ATP8A2: variants seen among roughly 807,000 people sequenced by gnomAD.
The protein encoded by ATP8A2 is ATPase phospholipid transporting 8A2.
ATP8A2 carries 100 observed loss-of-function variants against 165.6 expected under a neutral mutation model. The ratio of observed to expected loss-of-function variants is 0.60; its 90% confidence interval spans 0.51 to 0.71. The LOEUF is 0.71. ATP8A2 is among the 30% of genes least tolerant of loss of function. ATP8A2 has a pLI of 0.00. For synonymous variants in ATP8A2, 543 were observed against 548.8 expected, an observed-to-expected ratio of 0.99 and a Z score of 0.15; for missense variants, 1,227 against 1,479.5, an observed-to-expected ratio of 0.83 and a Z score of 2.80.
At chr13:25,616,326 C>CTTTTT (rs535891442) in intron 24 of ATP8A2, among the ~76,000 whole-genome samples, 369 of 106,720 alleles carry the variant, frequency 3.5e-3, no homozygotes, top group Non-Finnish European at 5.5e-3. Flanking sequence ...TTCTTTCTTT[C>CTTTTT]TTTTTTTTTT....
At chr13:25,964,968 C>T (rs1405428223) in intron 34 of ATP8A2, among the ~76,000 whole-genome samples, 2 of 152,064 alleles carry the variant, frequency 1.3e-5, no homozygotes, top group African/African-American at 2.4e-5. Context: ...AAGATCAGCC[C>T]GGCCAACATG....
chr13:25,773,423 A>G (rs2044670004), intron 26 of ATP8A2, among the ~76,000 whole-genome samples: 1 of 152,276 alleles, frequency 6.6e-6, no homozygotes, highest in South Asian at 2.1e-4. Flanking sequence ...GACCTTTATG[A>G]AACGGCACAC....
chr13:25,822,214 A>G (rs1951199312), intron 27 of ATP8A2, among the ~76,000 whole-genome samples: 2 of 152,174 alleles, frequency 1.3e-5, no homozygotes, highest in African/African-American at 4.8e-5. Context: ...AGCTTTCAAT[A>G]TACATGCAGG....
intron 30 of ATP8A2, among the ~76,000 whole-genome samples, chr13:25,852,834 G>A (rs979562776): frequency 2.0e-5 from 3 of 151,700 alleles, no homozygotes; most frequent in Admixed American, 2.0e-4. Flanking sequence ...TACCTGGGAG[G>A]TGGAGGTTGC....
chr13:25,760,959 G>A (rs1209473662), intron 25 of ATP8A2, among the ~76,000 whole-genome samples: 3 of 152,080 alleles, frequency 2.0e-5, no homozygotes, highest in Non-Finnish European at 4.4e-5. Flanking sequence ...TTTAATATAT[G>A]CTCAAATATA....
intron 33 of ATP8A2, among the ~76,000 whole-genome samples, chr13:25,909,490 T>A (rs1954040819): frequency 6.6e-6 from 1 of 152,206 alleles, no homozygotes; most frequent in Non-Finnish European, 1.5e-5. Context: ...GAGTTGTTGA[T>A]TAATTTTTCG....
At chr13:25,841,571 T>C (rs556248931) in intron 30 of ATP8A2, among the ~76,000 whole-genome samples, 1 of 152,384 alleles carries the variant, frequency 6.6e-6, no homozygotes, top group South Asian at 2.1e-4. Context: ...TATTTTATAA[T>C]TAATTTCTAA....
chr13:25,905,061 G>C (rs1194527161), intron 33 of ATP8A2, among the ~76,000 whole-genome samples: 1 of 150,986 alleles, frequency 6.6e-6, no homozygotes, highest in Non-Finnish European at 1.5e-5. Flanking sequence ...TGTGTGCCCA[G>C]CCTGGGCCCT....
chr13:25,670,191 A>G (rs185321626), intron 24 of ATP8A2, among the ~76,000 whole-genome samples: 34 of 152,328 alleles, frequency 2.2e-4, no homozygotes, highest in African/African-American at 8.2e-4. Flanking sequence ...ATTTTAGTTC[A>G]GGGACCACTT....
intron 24 of ATP8A2, among the ~76,000 whole-genome samples, chr13:25,691,144 A>G (rs1296685209): frequency 2.6e-5 from 4 of 152,234 alleles, no homozygotes. Context: ...GAAGAGGCCA[A>G]ACTGTAGTAA....
chr13:25,727,565 G>A (rs952624513), intron 25 of ATP8A2, among the ~76,000 whole-genome samples: 9 of 152,134 alleles, frequency 5.9e-5, no homozygotes, highest in South Asian at 2.1e-4. Flanking sequence ...GCCATTATCC[G>A]GAATAAACTT....
At chr13:25,889,066 C>T (rs1329497475) in intron 33 of ATP8A2, among the ~76,000 whole-genome samples, 1 of 151,922 alleles carries the variant, frequency 6.6e-6, no homozygotes, top group Admixed American at 6.6e-5. Flanking sequence ...ATAAGAGAAA[C>T]TTCCTTTATA....
intron 27 of ATP8A2, among the ~76,000 whole-genome samples, chr13:25,827,473 T>A (rs1951351798): frequency 6.6e-6 from 1 of 152,246 alleles, no homozygotes; most frequent in South Asian, 2.1e-4. Flanking sequence ...GGCTCTGTAG[T>A]TGTTTTTATA....
chr13:25,380,443 G>T (rs973219621), intron 1 of ATP8A2, among the ~76,000 whole-genome samples: 2 of 152,074 alleles, frequency 1.3e-5, no homozygotes, highest in Non-Finnish European at 2.9e-5. Context: ...GGTTGAGCTG[G>T]GCTGTAACGG....
intron 24 of ATP8A2, among the ~76,000 whole-genome samples, chr13:25,599,728 T>C (rs2138362701): frequency 6.6e-6 from 1 of 152,322 alleles, no homozygotes; most frequent in South Asian, 2.1e-4. Context: ...GTTTCACCTC[T>C]GGGTTCCAGG....
rs111873638 is a variant in ATP8A2 at position 25,492,787 on chromosome 13, T to C, written c.221+23666T>C. Among the ~76,000 whole-genome samples, 759 of 152,276 alleles carry C rather than the reference T, an allele frequency of 5.0e-3. 5 individuals carry two copies. Among genetic ancestry groups the C allele is most frequent in the African/African-American group, 0.018 (736 of 41,560 alleles). ...AAAGTGTTTCCATTACCTGTTGGCT[T>C]GTTATTACAGTGACCGCAGCCCCTG... On this transcript the variant is annotated intron_variant, in intron 2 of 36. Transcript: ENST00000381655.
chr13:25,839,011 TAAAAG>T (rs1159708025), intron 29 of ATP8A2, among the ~76,000 whole-genome samples: 1 of 151,976 alleles, frequency 6.6e-6, no homozygotes, highest in East Asian at 1.9e-4. Context: ...ATCCCAAAAA[TAAAAG>T]AAGAAGTTGA....
At chr13:25,792,286 C>A (rs528423570) in intron 27 of ATP8A2, among the ~76,000 whole-genome samples, 22 of 152,280 alleles carry the variant, frequency 1.4e-4, no homozygotes, top group African/African-American at 5.1e-4. Context: ...TAAAATAATC[C>A]TGCTTATTTC....
intron 16 of ATP8A2, among the ~76,000 whole-genome samples, chr13:25,568,218 T>C (rs1295551583): frequency 6.6e-6 from 1 of 152,202 alleles, no homozygotes; most frequent in Non-Finnish European, 1.5e-5. Flanking sequence ...GGACAATTTA[T>C]GCAACCCCCT....
Sources: allele counts gnomAD v4.1 joint callset (sites outside exome capture counted in the v4.1 genomes callset), GRCh38; gene constraint gnomAD v4.1.1; transcripts MANE v1.5; gene names NCBI Gene and HGNC (gene_info 2026-07-23, HGNC 2026-07-21).